IRAG1: variants seen among roughly 807,000 people sequenced by gnomAD.
IRAG1 encodes IP3R-associated cGMP kinase substrate.
Under a neutral mutation model 106.2 loss-of-function variants are expected in IRAG1, and 62 were observed. The ratio of observed to expected loss-of-function variants is 0.58; its 90% confidence interval spans 0.48 to 0.72. The LOEUF (loss-of-function observed/expected upper bound fraction) is 0.72. Ranked by LOEUF, IRAG1 falls within the 30% of genes least tolerant of loss-of-function variation. The probability of loss-of-function intolerance (pLI) is 0.00; values close to 1 mark genes in which losing one functional copy is unlikely to be tolerated. For missense variants in IRAG1, 1,064 were observed against 1,140.7 expected (o/e 0.93, Z 0.97); for synonymous variants, 462 against 443.9 (o/e 1.04, Z -0.51).
At chr11:10,639,567 ATCT>A (rs1857372504) in intron 2 of IRAG1, among the ~76,000 whole-genome samples, 1 of 152,046 alleles carries the variant, frequency 6.6e-6, no homozygotes, top group Non-Finnish European at 1.5e-5. Context: ...AGGGGAACAA[ATCT>A]TCACTCCCAT....
At chr11:10,681,042 T>A (rs1861213916) in intron 1 of IRAG1, among the ~76,000 whole-genome samples, 1 of 152,224 alleles carries the variant, frequency 6.6e-6, no homozygotes, top group Non-Finnish European at 1.5e-5. Flanking sequence ...TCCATCTTCC[T>A]GGGTCTTTTC....
chr11:10,658,186 G>A (rs1200274199), intron 1 of IRAG1, among the ~76,000 whole-genome samples: 1 of 152,208 alleles, frequency 6.6e-6, no homozygotes, highest in Non-Finnish European at 1.5e-5. Context: ...CTGCAGAGCT[G>A]GGTTCCGCGA....
chr11:10,678,422 T>C (rs1181766373), intron 1 of IRAG1, among the ~76,000 whole-genome samples: 5 of 152,166 alleles, frequency 3.3e-5, no homozygotes, highest in African/African-American at 9.7e-5. Flanking sequence ...TTCCTTTGTC[T>C]AAGCTATTTC....
rs765874517 is a variant in IRAG1, at chr11:10,634,016, C to T, written c.281G>A (p.Gly94Glu). Residue 94 changes from glycine to glutamate, a missense_variant, in exon 3 of 21, where the codon GGG becomes GAG. Transcript: ENST00000423302. ...TTCTCCTTCTGGTGAAGTGGCATCCCCAGTCAGGACAATCGTGGGAGTTGG... is the reference window on the plus strand; with the variant it reads ...TTCTCCTTCTGGTGAAGTGGCATCCTCAGTCAGGACAATCGTGGGAGTTGG... Reference protein sequence around the residue: ...CSPTPTIVLTGDATSPEGETD... With the variant: ...CSPTPTIVLTEDATSPEGETD... 6.2e-7 allele frequency: 1 copy of T among 1,612,658 alleles called. No individual in the cohort carries two copies. The highest frequency in any genetic ancestry group is 8.5e-7 in the Non-Finnish European group (1 of 1,179,158).
intron 1 of IRAG1, among the ~76,000 whole-genome samples, chr11:10,690,978 C>T (rs1265549408): frequency 6.6e-6 from 1 of 152,176 alleles, no homozygotes; most frequent in African/African-American, 2.4e-5. Flanking sequence ...TCTACCCAGG[C>T]CTCTGCTTCT....
intron 14 of IRAG1, 145 bp downstream of exon 14, chr11:10,602,974 GA>G: frequency 1.1e-6 from 1 of 944,496 alleles, no homozygotes; most frequent in Middle Eastern, 3.4e-4. Context: ...AAAATACTCT[GA>G]ATAATACTGC....
At chr11:10,650,395 A>G (rs542952941) in intron 2 of IRAG1, among the ~76,000 whole-genome samples, 116 of 152,278 alleles carry the variant, frequency 7.6e-4, no homozygotes, top group African/African-American at 2.7e-3. Context: ...TTATTATCTT[A>G]TATTTTAGGA....
intron 2 of IRAG1, among the ~76,000 whole-genome samples, chr11:10,645,002 C>A (rs1008987644): frequency 1.3e-5 from 2 of 152,158 alleles, no homozygotes; most frequent in African/African-American, 4.8e-5. Context: ...TCCTCCAGGT[C>A]CTGATGGGAG....
At chr11:10,592,111 C>T (rs531115663) in intron 17 of IRAG1, among the ~76,000 whole-genome samples, 1 of 152,290 alleles carries the variant, frequency 6.6e-6, no homozygotes, top group South Asian at 2.1e-4. Context: ...CCCAGGATTT[C>T]CAGGTTGTGT....
At chr11:10,578,396 G>A (rs1472632475) in intron 20 of IRAG1, among the ~76,000 whole-genome samples, 1 of 152,122 alleles carries the variant, frequency 6.6e-6, no homozygotes, top group Non-Finnish European at 1.5e-5. Context: ...TAAAATATTG[G>A]GGTTTACCCA....
intron 20 of IRAG1, among the ~76,000 whole-genome samples, chr11:10,576,814 C>T (rs1404693112): frequency 6.6e-6 from 1 of 152,118 alleles, no homozygotes; most frequent in Non-Finnish European, 1.5e-5. Context: ...ATTTTGATTC[C>T]ACCAGTCCAC....
rs755261529 is a variant in IRAG1 at position 10,626,175 on chromosome 11, G to A, written c.1159C>T (p.Pro387Ser). 2.6e-6 allele frequency: 4 copies of A among 1,552,062 alleles called. No homozygotes were observed. The highest frequency in any genetic ancestry group is 2.3e-5 in the East Asian group (1 of 44,236). Residue 387 changes from proline to serine, a missense_variant, in exon 9 of 21, where the codon CCC becomes TCC. Transcript: ENST00000423302. The part of the protein sequence containing the change: ...KAELPPTVSR[P>S]PLLRGLSWDS... Reference sequence around the variant, plus strand: ...CAGGAGAGCCCTCGCAGCAGCGGGGGCCGGGACACAGTGGGTGGAAGCTCA... The same window carrying A: ...CAGGAGAGCCCTCGCAGCAGCGGGGACCGGGACACAGTGGGTGGAAGCTCA...
At chr11:10,681,705 AC>A (rs1861273610) in intron 1 of IRAG1, among the ~76,000 whole-genome samples, 1 of 152,182 alleles carries the variant, frequency 6.6e-6, no homozygotes, top group South Asian at 2.1e-4. Flanking sequence ...ACTCAGGACC[AC>A]TGCTTATACG....
intron 10 of IRAG1, among the ~76,000 whole-genome samples, chr11:10,620,765 A>G (rs553644955): frequency 1.3e-5 from 2 of 152,306 alleles, no homozygotes; most frequent in East Asian, 3.9e-4. Flanking sequence ...GGAAATGCAA[A>G]TGTTTCTACT....
intron 2 of IRAG1, among the ~76,000 whole-genome samples, 163 bp downstream of exon 2, chr11:10,651,848 CCAACTCAGAGTAAT>C (rs957771693): frequency 1.3e-5 from 2 of 152,230 alleles, no homozygotes; most frequent in Non-Finnish European, 2.9e-5. Context: ...TCAATTCAAA[CCAACTCAGAGTAAT>C]TGATTCCTCA....
chr11:10,628,137 A>G lies in IRAG1; in HGVS notation c.653-112T>C, dbSNP rs750201407. On this transcript the variant is annotated intron_variant, in intron 6 of 20. Transcript: ENST00000423302. This position sits in a 1 kb window ranked among gnomAD's most constrained non-coding sequence, Gnocchi z 4.1. ...CCTCCCTTTGCAATCTCAGGCCTGG[A>G]AGATTTGCTGACTACCTCCCGTGTG... 7 of 1,208,388 alleles carry G rather than the reference A, an allele frequency of 5.8e-6. No individual in the cohort carries two copies. Among genetic ancestry groups the G allele is most frequent in the Non-Finnish European group, 8.4e-6 (7 of 832,174 alleles). The allele number at this position is 1,208,388 out of a possible 1,614,324, so 74.9% of individuals were successfully genotyped here.
At chr11:10,668,118 G>A (rs1859931944) in intron 1 of IRAG1, among the ~76,000 whole-genome samples, 1 of 152,142 alleles carries the variant, frequency 6.6e-6, no homozygotes, top group South Asian at 2.1e-4. Context: ...CTGTCTCCAT[G>A]AAAGACCCTA....
At chr11:10,613,437 A>AT (rs60041829) in intron 10 of IRAG1, among the ~76,000 whole-genome samples, 11,422 of 152,220 alleles carry the variant, frequency 0.075, 1,112 homozygotes, top group African/African-American at 0.22. Context: ...TCCTTCAAGA[A>AT]AAGACAAAAT....
chr11:10,668,914 C>G (rs867382173), intron 1 of IRAG1, among the ~76,000 whole-genome samples: 1 of 152,188 alleles, frequency 6.6e-6, no homozygotes, highest in Non-Finnish European at 1.5e-5. Flanking sequence ...GAGGCTGCCT[C>G]CCTCCTGGCT....
Sources: allele counts gnomAD v4.1 joint callset (sites outside exome capture counted in the v4.1 genomes callset), GRCh38; gene constraint gnomAD v4.1.1; non-coding constraint Gnocchi (gnomAD v3.1); transcripts MANE v1.5; gene names NCBI Gene and HGNC (gene_info 2026-07-23, HGNC 2026-07-21).